The following LAMTOR4 variants were observed in gnomAD, a reference collection of about 807,000 sequenced individuals.
The protein encoded by LAMTOR4 is ragulator complex protein LAMTOR4.
Under a neutral mutation model 13.5 loss-of-function variants are expected in LAMTOR4, and 11 were observed. The ratio of observed to expected loss-of-function variants is 0.82; its 90% CI spans 0.51 to 1.35. The LOEUF (loss-of-function observed/expected upper bound fraction) is 1.35. Ranked by LOEUF, LAMTOR4 falls within the 40% of genes most tolerant of loss-of-function variation. The pLI, the probability that LAMTOR4 is intolerant of heterozygous loss-of-function variation, is 0.00. For missense variants in LAMTOR4, 128 were observed against 126.2 expected (o/e 1.01, Z -0.07); for synonymous variants, 69 against 52.3 (o/e 1.32, Z -1.38).
At chr7:100,149,709 T>C (rs1798641681) in intron 2 of LAMTOR4, 130 bp downstream of exon 2, 1 of 641,904 alleles carries the variant, frequency 1.6e-6, no homozygotes, top group African/African-American at 1.8e-5. Flanking sequence ...ACAAAAGTAT[T>C]TGCAGTTTTT....
At chr7:100,149,224 G>A in intron 1 of LAMTOR4, 1 of 612,706 alleles carries the variant, frequency 1.6e-6, no homozygotes, top group African/African-American at 1.8e-5. Context: ...AGGGTCTGGG[G>A]GCAGGGGCCA....
chr7:100,152,133 T>C (rs1022044326), intron 2 of LAMTOR4, among the ~76,000 whole-genome samples: 4 of 152,186 alleles, frequency 2.6e-5, no homozygotes, highest in Middle Eastern at 3.2e-3. Flanking sequence ...AACATGTCCC[T>C]GCGTGGTGGC....
intron 1 of LAMTOR4, 60 bp from the exon 2 acceptor site, chr7:100,149,438 AG>A: frequency 8.8e-7 from 1 of 1,133,884 alleles, no homozygotes; most frequent in South Asian, 1.2e-5. Flanking sequence ...TTGCAGGTGA[AG>A]GGTATCGGGC....
intron 2 of LAMTOR4, 68 bp from the exon 3 acceptor site, chr7:100,153,332 G>A: frequency 9.0e-7 from 1 of 1,115,812 alleles, no homozygotes; most frequent in Non-Finnish European, 1.3e-6. Flanking sequence ...CAAGGGGACT[G>A]TGCCTGGAAT....
intron 2 of LAMTOR4, among the ~76,000 whole-genome samples, chr7:100,153,012 G>A (rs1265108907): frequency 1.3e-5 from 2 of 152,034 alleles, no homozygotes; most frequent in Non-Finnish European, 2.9e-5. Context: ...AAATTAGCTA[G>A]ATGTGGTGGT....
rs111773951 is a variant in LAMTOR4 at position 100,153,971 on chromosome 7, C to T, written c.*7C>T. The stretch of plus-strand genomic sequence containing the variant: ...GGAGCCCATTGATGTCTGAGCCTGC[C>T]GGAGGGCGAGGGTCGGAGAAGCGGA... On this transcript the variant is annotated 3_prime_UTR_variant, in exon 4 of 4. Coordinates refer to ENST00000341942, the MANE Select transcript of LAMTOR4 (RefSeq NM_001008395.4). The T allele has an allele frequency of 1.5e-3, 2,390 of 1,573,848 alleles. 35 individuals carry two copies. The African/African-American group carries it at 0.029, about 19-fold the overall frequency.
At chr7:100,151,537 C>T (rs572097883) in intron 2 of LAMTOR4, among the ~76,000 whole-genome samples, 1 of 151,706 alleles carries the variant, frequency 6.6e-6, no homozygotes, top group East Asian at 1.9e-4. Context: ...TACAGGCGCC[C>T]GCCACCATGC....
chr7:100,149,311 G>A, intron 1 of LAMTOR4, 188 bp from the exon 2 acceptor site: 1 of 635,576 alleles, frequency 1.6e-6, no homozygotes, highest in South Asian at 1.8e-5. Context: ...GAGAGTGGGG[G>A]CAGATGGAGG....
intron 3 of LAMTOR4, 66 bp downstream of exon 3, chr7:100,153,583 G>A (rs777244135): frequency 2.2e-5 from 31 of 1,383,472 alleles, no homozygotes; most frequent in Non-Finnish European, 3.0e-5. Context: ...GGGGCTTCTC[G>A]GCTTCTCTTC....
chr7:100,153,860 C>T lies in LAMTOR4; in HGVS notation c.203-7C>T. The T allele has an allele frequency of 6.4e-6, 10 of 1,559,786 alleles. No individual in the cohort carries two copies. The highest frequency in any genetic ancestry group is 8.7e-6 in the Non-Finnish European group (10 of 1,148,462). On this transcript the variant is annotated splice_polypyrimidine_tract_variant and splice_region_variant and intron_variant, in intron 3 of 3. Transcript: ENST00000341942. ...CTGGGGCGGGGGAAGGTGTGTCTCT[C>T]CTCCAGTGGTCTTTGGAGAACACAC...
intron 2 of LAMTOR4, among the ~76,000 whole-genome samples, 194 bp from the exon 3 acceptor site, chr7:100,153,206 G>C (rs1205938709): frequency 1.3e-5 from 2 of 152,044 alleles, no homozygotes; most frequent in Non-Finnish European, 2.9e-5. Context: ...CCAGTATTAT[G>C]GGAAACAGGA....
chr7:100,148,986 A>C lies in LAMTOR4; in HGVS notation c.3+11A>C, dbSNP rs749069561. 2 of 1,609,998 alleles carry C rather than the reference A, an allele frequency of 1.2e-6. No homozygotes were observed. Among genetic ancestry groups the C allele is most frequent in the Non-Finnish European group, 1.7e-6 (2 of 1,179,058 alleles). On this transcript the variant is annotated intron_variant, in intron 1 of 3. Coordinates refer to ENST00000341942, the MANE Select transcript of LAMTOR4 (RefSeq NM_001008395.4). ...CCGAAGACTGCGATGGTGAGTGAGGACGCATGCGCGAGAGGACCCGCCGGG... is the reference window on the plus strand; with the variant it reads ...CCGAAGACTGCGATGGTGAGTGAGGCCGCATGCGCGAGAGGACCCGCCGGG...
At position 100,148,927 on chromosome 7, in the gene LAMTOR4, G is replaced by A. The variant is rs754275365; in HGVS notation, c.-46G>A. The A allele has an allele frequency of 8.7e-6, 14 of 1,611,694 alleles. No individual in the cohort carries two copies. The South Asian group carries it at 1.4e-4, about 16-fold the overall frequency. On this transcript the variant is annotated 5_prime_UTR_variant, in exon 1 of 4. Coordinates refer to ENST00000341942, the MANE Select transcript of LAMTOR4 (RefSeq NM_001008395.4). ...AGCACGTGACCGGGGCCTGAAGCCG[G>A]AAGCTACCTATCTGGTAGGGAGCTC...
chr7:100,152,166 T>C (rs1562949554), intron 2 of LAMTOR4, among the ~76,000 whole-genome samples: 1 of 152,162 alleles, frequency 6.6e-6, no homozygotes, highest in Non-Finnish European at 1.5e-5. Flanking sequence ...TCCCAGCACT[T>C]TGGGAGGCTG....
chr7:100,149,901 G>A (rs111438271), intron 2 of LAMTOR4: 13 of 199,808 alleles, frequency 6.5e-5, no homozygotes, highest in African/African-American at 2.3e-4. Context: ...TCAGCCTCCC[G>A]AGTAGCTGGG....
intron 3 of LAMTOR4, 70 bp downstream of exon 3, chr7:100,153,587 TCTC>T (rs1798786157): frequency 7.4e-7 from 1 of 1,351,750 alleles, no homozygotes; most frequent in Admixed American, 1.7e-5. Flanking sequence ...CTTCTCGGCT[TCTC>T]TTCTTCCAGC....
chr7:100,150,761 G>A (rs577313024), intron 2 of LAMTOR4, among the ~76,000 whole-genome samples: 146 of 152,020 alleles, frequency 9.6e-4, no homozygotes, highest in Non-Finnish European at 1.8e-3. Flanking sequence ...CAAGGCGGGC[G>A]GATCACGAGG....
rs1393381872 is a variant in LAMTOR4 at position 100,153,529 on chromosome 7, C to A, written c.202+12C>A. On this transcript the variant is annotated intron_variant, in intron 3 of 3. Coordinates refer to ENST00000341942, the MANE Select transcript of LAMTOR4 (RefSeq NM_001008395.4). Reference sequence around the variant, plus strand: ...CAAGCGCCTGTCTGGTGAGCCCCTGCCCCTGCCCTTGGTGGTGGTACTGGG... The same window carrying A: ...CAAGCGCCTGTCTGGTGAGCCCCTGACCCTGCCCTTGGTGGTGGTACTGGG... 3 of 1,601,334 alleles carry A rather than the reference C, an allele frequency of 1.9e-6. No individual in the cohort carries two copies. The highest frequency in any genetic ancestry group is 2.2e-5 in the East Asian group (1 of 44,874).
Position 100,153,952 on chromosome 7 carries a change from C to A in LAMTOR4, c.288C>A (p.Pro96=), listed in dbSNP as rs1798805163. The A allele has an allele frequency of 6.3e-7, 1 of 1,586,520 alleles. No homozygotes were observed. Residue 96 remains proline, a synonymous_variant, in exon 4 of 4, where the codon CCC becomes CCA. Coordinates refer to ENST00000341942, the MANE Select transcript of LAMTOR4 (RefSeq NM_001008395.4). ...AGAGGCAGAACCGAGGTCGGGAGCC[C>A]ATTGATGTCTGAGCCTGCCGGAGGG... ...VVKRQNRGRE[P]IDV is the part of the protein sequence containing the mutation.
Sources: gnomAD v4.1 joint callset for allele counts (sites outside exome capture counted in the v4.1 genomes callset) on GRCh38, gnomAD v4.1.1 for gene constraint, MANE v1.5 for transcripts, NCBI Gene and HGNC (gene_info 2026-07-23, HGNC 2026-07-21) for gene names.